The following MAD1L1 variants were observed in gnomAD, a reference collection of about 807,000 sequenced individuals.
The protein encoded by MAD1L1 is mitotic spindle assembly checkpoint protein MAD1.
MAD1L1 carries 95 observed loss-of-function variants against 96.9 expected under a neutral mutation model. The ratio of observed to expected loss-of-function variants is 0.98; its 90% CI spans 0.83 to 1.16. The LOEUF is 1.16. Ranked by LOEUF, MAD1L1 falls within the 50% of genes most tolerant of loss-of-function variation. The probability of loss-of-function intolerance (pLI) is 0.00; values close to 1 mark genes in which losing one functional copy is unlikely to be tolerated. For synonymous variants in MAD1L1, 473 were observed against 396.6 expected, an observed-to-expected ratio of 1.19 and a Z score of -2.29; for missense variants, 1,007 against 954.4, an observed-to-expected ratio of 1.06 and a Z score of -0.73.
intron 18 of MAD1L1, among the ~76,000 whole-genome samples, chr7:1,892,192 G>A (rs900189391): frequency 1.3e-5 from 2 of 152,194 alleles, no homozygotes; most frequent in African/African-American, 4.8e-5. Context: ...GCACAGTCAC[G>A]CACTGCACAC....
chr7:1,923,165 T>C (rs545729877), intron 17 of MAD1L1, among the ~76,000 whole-genome samples: 2 of 152,328 alleles, frequency 1.3e-5, no homozygotes, highest in Admixed American at 6.5e-5. Context: ...TGGAAGCTTT[T>C]TGATTGTGGA....
intron 18 of MAD1L1, among the ~76,000 whole-genome samples, chr7:1,892,768 C>T (rs1296923971): frequency 6.6e-6 from 1 of 152,234 alleles, no homozygotes; most frequent in Non-Finnish European, 1.5e-5. Context: ...ACCCTGCAGG[C>T]CTCTGAGCCG....
intron 12 of MAD1L1, among the ~76,000 whole-genome samples, chr7:2,066,327 C>A (rs1487217151): frequency 6.6e-6 from 1 of 152,236 alleles, no homozygotes; most frequent in Non-Finnish European, 1.5e-5. Context: ...GGCACACAGA[C>A]CCAGAGCAGC....
intron 13 of MAD1L1, 28 bp downstream of exon 13, chr7:2,014,474 C>A: frequency 6.5e-7 from 1 of 1,534,966 alleles, no homozygotes; most frequent in Non-Finnish European, 8.8e-7. Flanking sequence ...CACCTGGCGA[C>A]GTGAGCCCCA....
At chr7:1,900,019 G>A (rs115123555) in intron 17 of MAD1L1, among the ~76,000 whole-genome samples, 1 of 152,228 alleles carries the variant, frequency 6.6e-6, no homozygotes, top group Non-Finnish European at 1.5e-5. Context: ...GACACAGGCA[G>A]GCAGCTGCCT....
intron 12 of MAD1L1, among the ~76,000 whole-genome samples, chr7:2,022,371 C>T (rs183757517): frequency 2.2e-3 from 335 of 152,328 alleles, no homozygotes; most frequent in Middle Eastern, 6.8e-3. Context: ...TGGCTCATGC[C>T]TGTAATCCCA....
chr7:2,067,132 C>G (rs899894308), intron 12 of MAD1L1, among the ~76,000 whole-genome samples: 3 of 152,182 alleles, frequency 2.0e-5, no homozygotes, highest in Admixed American at 2.0e-4. Context: ...ACAAGGTGCA[C>G]TCAAGGGGGT....
At chr7:2,067,584 C>T (rs566910513) in intron 12 of MAD1L1, among the ~76,000 whole-genome samples, 5 of 133,038 alleles carry the variant, frequency 3.8e-5, no homozygotes, top group Admixed American at 6.9e-5. Context: ...GCCTGAACCC[C>T]CGCAGTGGTC....
At chr7:2,078,919 C>G (rs1446331124) in intron 11 of MAD1L1, among the ~76,000 whole-genome samples, 1 of 152,242 alleles carries the variant, frequency 6.6e-6, no homozygotes, top group Non-Finnish European at 1.5e-5. Context: ...TCCAGGGTCT[C>G]CAGGGCCGTG....
intron 18 of MAD1L1, among the ~76,000 whole-genome samples, chr7:1,861,336 C>T (rs539390110): frequency 9.2e-5 from 14 of 152,266 alleles, no homozygotes; most frequent in East Asian, 1.9e-4. Flanking sequence ...CCAGTGACAA[C>T]GGGGCTGAGG....
At chr7:1,922,674 C>T (rs1788865962) in intron 17 of MAD1L1, among the ~76,000 whole-genome samples, 1 of 152,204 alleles carries the variant, frequency 6.6e-6, no homozygotes, top group Admixed American at 6.5e-5. Flanking sequence ...GGGACATGGA[C>T]CAAGGCGGTG....
intron 16 of MAD1L1, among the ~76,000 whole-genome samples, chr7:1,937,552 A>G (rs938871104): frequency 6.6e-6 from 1 of 152,128 alleles, no homozygotes; most frequent in Non-Finnish European, 1.5e-5. Context: ...GCCCTGCAGC[A>G]GGGACAGCCC....
At chr7:2,195,389 C>T (rs1186872634) in intron 10 of MAD1L1, among the ~76,000 whole-genome samples, 2 of 152,176 alleles carry the variant, frequency 1.3e-5, no homozygotes, top group Admixed American at 1.3e-4. Flanking sequence ...ACTCCTGAGA[C>T]CTAATTGCAG....
At chr7:1,933,352 G>A (rs1392850535) in intron 17 of MAD1L1, among the ~76,000 whole-genome samples, 1 of 152,154 alleles carries the variant, frequency 6.6e-6, no homozygotes, top group African/African-American at 2.4e-5. Flanking sequence ...GATACACAGG[G>A]AGGTCTTTCC....
Position 2,216,297 on chromosome 7 carries a change from G to T in MAD1L1, c.679-10C>A, listed in dbSNP as rs374152324. 1 of 1,611,786 alleles carries T rather than the reference G, an allele frequency of 6.2e-7. No homozygotes were observed. The highest frequency in any genetic ancestry group is 1.1e-5 in the South Asian group (1 of 90,756). ...GCTTCTGCTCCAGATCCTGATGGAG[G>T]CCAGGGACAGAGAAGAAGGGAAAAA... On this transcript the variant is annotated splice_polypyrimidine_tract_variant and intron_variant, in intron 7 of 18. Transcript: ENST00000265854.
At chr7:1,917,815 G>A (rs1288535550) in intron 17 of MAD1L1, among the ~76,000 whole-genome samples, 3 of 152,210 alleles carry the variant, frequency 2.0e-5, no homozygotes, top group Non-Finnish European at 2.9e-5. Flanking sequence ...ACAGCAGGAA[G>A]GGTGGGGCCA....
intron 10 of MAD1L1, among the ~76,000 whole-genome samples, chr7:2,154,299 G>A (rs1789717802): frequency 6.6e-6 from 1 of 152,236 alleles, no homozygotes; most frequent in Non-Finnish European, 1.5e-5. Context: ...CCTAAAGGCA[G>A]AGAGTAGAAT....
chr7:1,885,543 C>T (rs892390127), intron 18 of MAD1L1, among the ~76,000 whole-genome samples: 1 of 152,164 alleles, frequency 6.6e-6, no homozygotes, highest in Non-Finnish European at 1.5e-5. Context: ...ATGTGTGACA[C>T]GTGGAGCTGT....
At chr7:2,226,579 T>C (rs1179002545) in intron 3 of MAD1L1, among the ~76,000 whole-genome samples, 1 of 152,212 alleles carries the variant, frequency 6.6e-6, no homozygotes, top group African/African-American at 2.4e-5. Context: ...CCTGCTCAGC[T>C]GGAGGAAAAG....
Sources: gnomAD v4.1 joint callset for allele counts (sites outside exome capture counted in the v4.1 genomes callset) on GRCh38, gnomAD v4.1.1 for gene constraint, MANE v1.5 for transcripts, NCBI Gene and HGNC (gene_info 2026-07-23, HGNC 2026-07-21) for gene names.